ARFGEF3: variants seen among roughly 807,000 people sequenced by gnomAD.
ARFGEF3 encodes the protein brefeldin A-inhibited guanine nucleotide-exchange protein 3.
Under a neutral mutation model 221.7 loss-of-function variants are expected in ARFGEF3, and 96 were observed. The ratio of observed to expected loss-of-function variants is 0.43; its 90% CI spans 0.37 to 0.51. The LOEUF (loss-of-function observed/expected upper bound fraction) is 0.51. Among genes scored for constraint, ARFGEF3 ranks in the 20% least tolerant of loss-of-function variants. The pLI, the probability that ARFGEF3 is intolerant of heterozygous loss-of-function variation, is 0.00. For missense variants in ARFGEF3, 2,410 were observed against 2,789.9 expected (o/e 0.86, Z 3.07); for synonymous variants, 1,145 against 1,126.8 (o/e 1.02, Z -0.32).
At chr6:138,228,608 T>A (rs1195786448) in intron 4 of ARFGEF3, among the ~76,000 whole-genome samples, 7 of 152,132 alleles carry the variant, frequency 4.6e-5, no homozygotes, top group Non-Finnish European at 7.4e-5. Flanking sequence ...AAAAAAAATC[T>A]TTTTTACCCC....
intron 29 of ARFGEF3, 100 bp downstream of exon 29, chr6:138,321,325 T>C (rs1440589276): frequency 1.5e-6 from 1 of 666,094 alleles, no homozygotes. Flanking sequence ...CTTTTTGGAT[T>C]GCTTTCTGTA....
intron 1 of ARFGEF3, among the ~76,000 whole-genome samples, chr6:138,167,350 T>G (rs79617019): frequency 0.029 from 4,415 of 152,292 alleles, 94 homozygotes; most frequent in African/African-American, 0.061. Flanking sequence ...TTTATATCAC[T>G]AGTCGACACC....
intron 6 of ARFGEF3, among the ~76,000 whole-genome samples, chr6:138,241,740 A>G (rs1358821554): frequency 1.2e-4 from 18 of 152,226 alleles, no homozygotes; most frequent in East Asian, 5.8e-4. Flanking sequence ...TAGAATGCCA[A>G]AATCACTAGC....
intron 32 of ARFGEF3, among the ~76,000 whole-genome samples, chr6:138,329,843 A>G (rs2114692922): frequency 6.6e-6 from 1 of 152,314 alleles, no homozygotes; most frequent in South Asian, 2.1e-4. Context: ...TGAAGAGACC[A>G]CCAAACAGGC....
At chr6:138,321,248 C>G in intron 29 of ARFGEF3, 23 bp downstream of exon 29, 1 of 1,215,780 alleles carries the variant, frequency 8.2e-7, no homozygotes, top group South Asian at 1.4e-5. Context: ...TTTCCTGACT[C>G]TCCACAAAGC....
chr6:138,276,447 T>G (rs1426891915), intron 12 of ARFGEF3, among the ~76,000 whole-genome samples: 20 of 152,186 alleles, frequency 1.3e-4, no homozygotes. Flanking sequence ...TTAATTTATA[T>G]AAAGCTCAAA....
At chr6:138,237,510 G>C (rs747368748) in intron 5 of ARFGEF3, among the ~76,000 whole-genome samples, 7 of 149,558 alleles carry the variant, frequency 4.7e-5, no homozygotes, top group Non-Finnish European at 1.0e-4. Context: ...TATCAAATGA[G>C]GGATTTTTTT....
intron 12 of ARFGEF3, among the ~76,000 whole-genome samples, chr6:138,263,815 T>C (rs1778835903): frequency 6.6e-6 from 1 of 152,234 alleles, no homozygotes; most frequent in South Asian, 2.1e-4. Context: ...ATGGCTGGAA[T>C]ATACTATGAG....
At chr6:138,320,579 G>A (rs1780005938) in intron 28 of ARFGEF3, among the ~76,000 whole-genome samples, 1 of 152,216 alleles carries the variant, frequency 6.6e-6, no homozygotes, top group Non-Finnish European at 1.5e-5. Context: ...TGTAAGGGAA[G>A]AGGTTCCCTT....
chr6:138,236,068 G>A (rs1583025529), intron 5 of ARFGEF3, among the ~76,000 whole-genome samples: 1 of 152,214 alleles, frequency 6.6e-6, no homozygotes, highest in Admixed American at 6.5e-5. Context: ...TTACAGCACT[G>A]CGTTATATAA....
At chr6:138,210,542 C>A (rs1007899285) in intron 4 of ARFGEF3, among the ~76,000 whole-genome samples, 7 of 151,734 alleles carry the variant, frequency 4.6e-5, no homozygotes, top group African/African-American at 1.7e-4. Context: ...TACCGCCTTC[C>A]TTTTAGGGAT....
chr6:138,313,278 C>A (rs555973098), intron 25 of ARFGEF3, among the ~76,000 whole-genome samples: 1 of 152,304 alleles, frequency 6.6e-6, no homozygotes, highest in Admixed American at 6.5e-5. Context: ...GAACCCAGGC[C>A]ACTCTGCTGG....
chr6:138,242,844 C>T (rs1778418444), intron 6 of ARFGEF3, 108 bp from the exon 7 acceptor site: 6 of 888,454 alleles, frequency 6.8e-6, no homozygotes, highest in Non-Finnish European at 1.1e-5. Context: ...TAGCCGAGCC[C>T]AGGGCACCCC....
rs143768836 is a variant in ARFGEF3 at position 138,185,817 on chromosome 6, G to T, written c.137+15104G>T. On this transcript the variant is annotated intron_variant, in intron 2 of 33. Transcript: ENST00000251691. ...CTCCATCATCCTTATACCCATGGCT[G>T]CTGGTGCTACATGAGTGACCCCCAG... 1.5e-3 allele frequency among the ~76,000 whole-genome samples: 235 copies of T among 152,288 alleles called. 1 individual carries two copies. The highest frequency in any genetic ancestry group is 5.4e-3 in the African/African-American group (225 of 41,546).
chr6:138,317,602 T>C (rs1387506460), intron 27 of ARFGEF3, among the ~76,000 whole-genome samples: 1 of 152,226 alleles, frequency 6.6e-6, no homozygotes, highest in Non-Finnish European at 1.5e-5. Context: ...ACAAGTATCG[T>C]GTGGTGGCCA....
At chr6:138,173,618 T>C (rs937589594) in intron 2 of ARFGEF3, among the ~76,000 whole-genome samples, 8 of 152,210 alleles carry the variant, frequency 5.3e-5, no homozygotes, top group African/African-American at 1.7e-4. Context: ...TGTCTAGTGT[T>C]CATGTGTATG....
At chr6:138,210,828 G>A (rs1374028257) in intron 4 of ARFGEF3, among the ~76,000 whole-genome samples, 1 of 152,192 alleles carries the variant, frequency 6.6e-6, no homozygotes, top group Non-Finnish European at 1.5e-5. Context: ...TTTCTTCCTG[G>A]AAATGCACTG....
At chr6:138,285,601 A>G (rs1779272207) in intron 14 of ARFGEF3, among the ~76,000 whole-genome samples, 1 of 152,230 alleles carries the variant, frequency 6.6e-6, no homozygotes, top group African/African-American at 2.4e-5. Flanking sequence ...ACCTGTACAT[A>G]TAAAATTTGG....
intron 28 of ARFGEF3, 27 bp from the exon 29 acceptor site, chr6:138,321,066 TTACACTAGAGCTGTGTGA>T: frequency 8.6e-7 from 1 of 1,157,700 alleles, no homozygotes; most frequent in Non-Finnish European, 1.3e-6. Flanking sequence ...ATCTACCCCT[TTACACTAGAGCTGTGTGA>T]AACTGTGATT....
Sources: allele counts gnomAD v4.1 joint callset (sites outside exome capture counted in the v4.1 genomes callset), GRCh38; gene constraint gnomAD v4.1.1; transcripts MANE v1.5; gene names NCBI Gene and HGNC (gene_info 2026-07-23, HGNC 2026-07-21).